Variants in KCNIP1 observed in about 807,000 individuals in gnomAD.
KCNIP1 encodes A-type potassium channel modulatory protein KCNIP1.
Under a neutral mutation model 33.0 loss-of-function variants are expected in KCNIP1, and 18 were observed. The observed-to-expected ratio is 0.55, with a 90% CI of 0.38 to 0.81. The LOEUF (loss-of-function observed/expected upper bound fraction) is 0.81. KCNIP1 is among the 30% of genes least tolerant of loss of function. The probability of loss-of-function intolerance (pLI) is 0.00; values close to 1 mark genes in which losing one functional copy is unlikely to be tolerated. For missense variants in KCNIP1, 238 were observed against 271.6 expected, an observed-to-expected ratio of 0.88 and a Z score of 0.87; for synonymous variants, 93 against 98.3, an observed-to-expected ratio of 0.95 and a Z score of 0.32.
At chr5:170,588,454 G>A (rs953472418) in intron 1 of KCNIP1, among the ~76,000 whole-genome samples, 2 of 152,210 alleles carry the variant, frequency 1.3e-5, no homozygotes, top group Admixed American at 6.5e-5. Flanking sequence ...ATAATTTGTA[G>A]TATTGCAAGA....
intron 1 of KCNIP1, among the ~76,000 whole-genome samples, chr5:170,491,821 A>G (rs1757212573): frequency 1.3e-5 from 2 of 152,152 alleles, no homozygotes; most frequent in Non-Finnish European, 2.9e-5. Context: ...CAGCTCTGTC[A>G]CTGTCTCTCT....
intron 1 of KCNIP1, among the ~76,000 whole-genome samples, chr5:170,694,413 C>G (rs1321024708): frequency 6.6e-6 from 1 of 152,030 alleles, no homozygotes. Context: ...TTTTGAAGAT[C>G]TCTAAGCACT....
chr5:170,596,161 A>C (rs1287574690), intron 1 of KCNIP1, among the ~76,000 whole-genome samples: 1 of 152,244 alleles, frequency 6.6e-6, no homozygotes, highest in Non-Finnish European at 1.5e-5. Context: ...GTATTCAAGA[A>C]AGAGCCAATA....
chr5:170,508,902 G>A (rs1754823396), intron 1 of KCNIP1, among the ~76,000 whole-genome samples: 1 of 152,088 alleles, frequency 6.6e-6, no homozygotes, highest in Admixed American at 6.5e-5. Context: ...ATCAACGGAG[G>A]TGTTAACCCC....
intron 1 of KCNIP1, among the ~76,000 whole-genome samples, chr5:170,586,880 C>T (rs1347380414): frequency 1.3e-5 from 2 of 152,190 alleles, no homozygotes; most frequent in South Asian, 2.1e-4. Context: ...GTCTCTATGC[C>T]TGCCACTGTG....
intron 1 of KCNIP1, chr5:170,382,746 C>T (rs1049519268): frequency 6.7e-6 from 1 of 150,032 alleles, no homozygotes; most frequent in African/African-American, 2.5e-5. Context: ...CTTTCTGATA[C>T]CCCCATCATT....
At chr5:170,534,369 AG>A (rs1755890572) in intron 1 of KCNIP1, among the ~76,000 whole-genome samples, 1 of 152,018 alleles carries the variant, frequency 6.6e-6, no homozygotes, top group Non-Finnish European at 1.5e-5. Context: ...TCACCTGAGC[AG>A]GGTAGGTGGA....
At chr5:170,691,305 C>A (rs768837554) in intron 1 of KCNIP1, among the ~76,000 whole-genome samples, 2 of 152,146 alleles carry the variant, frequency 1.3e-5, no homozygotes, top group Admixed American at 6.5e-5. Context: ...ATTGTAAAAC[C>A]CAAGATGAGA....
At chr5:170,647,873 A>T (rs1760852386) in intron 1 of KCNIP1, among the ~76,000 whole-genome samples, 1 of 152,184 alleles carries the variant, frequency 6.6e-6, no homozygotes, top group African/African-American at 2.4e-5. Flanking sequence ...TTGAAAAAAT[A>T]TATATCTGAT....
intron 1 of KCNIP1, chr5:170,383,400 A>G: frequency 1.7e-6 from 1 of 599,472 alleles, no homozygotes; most frequent in Non-Finnish European, 3.0e-6. Context: ...ACAGCTCTTC[A>G]AGGTGCAGCA....
chr5:170,729,841 T>C (rs1764135289), intron 5 of KCNIP1, among the ~76,000 whole-genome samples: 1 of 152,090 alleles, frequency 6.6e-6, no homozygotes, highest in African/African-American at 2.4e-5. Context: ...AAGTTATGCA[T>C]CCCATTCTCC....
chr5:170,497,492 A>T (rs1757332027), intron 1 of KCNIP1, among the ~76,000 whole-genome samples: 1 of 152,120 alleles, frequency 6.6e-6, no homozygotes, highest in South Asian at 2.1e-4. Flanking sequence ...GGAGAGTCTG[A>T]AATTCTACAC....
rs576520691 is a variant in KCNIP1, at chr5:170,495,776, A to G, written c.88+141812A>G. On this transcript the variant is annotated intron_variant, in intron 1 of 7. Coordinates refer to the KCNIP1 transcript ENST00000377360. ...GCGGCAGGTTGTGTGGTCACAGGAA[A>G]TAACAGAAGGAGCCCCGGTTAATAT... Among the ~76,000 whole-genome samples the G allele has an allele frequency of 3.9e-5, 6 of 152,368 alleles. No homozygotes were observed. The South Asian group carries it at 6.2e-4, about 16-fold the overall frequency.
chr5:170,391,987 G>A (rs1278381591), intron 1 of KCNIP1, among the ~76,000 whole-genome samples: 1 of 152,288 alleles, frequency 6.6e-6, no homozygotes, highest in East Asian at 1.9e-4. Context: ...TTCACCCTGG[G>A]TGGAGCTTCG....
chr5:170,703,863 T>C lies in KCNIP1; in HGVS notation c.62-14895T>C, dbSNP rs568486801. Among the ~76,000 whole-genome samples the C allele has an allele frequency of 4.6e-4, 64 of 137,878 alleles. 19 individuals carry two copies. In the South Asian group the frequency reaches 0.017, roughly 37 times the overall value. The allele number at this position is 137,878 out of a possible 152,430, so 90.5% of individuals were successfully genotyped here. On this transcript the variant is annotated intron_variant, in intron 1 of 7. Transcript: ENST00000328939. ...TCACTTTCTATGTGCAAAGCAGATA[T>C]TAGACATCACAGAGGGAGTGAGATA...
rs527567450 is a variant in KCNIP1, at chr5:170,562,645, C to T, written c.61+58012C>T. Among the ~76,000 whole-genome samples, 15 of 152,342 alleles carry T rather than the reference C, an allele frequency of 9.8e-5. No homozygotes were observed. The South Asian group carries it at 1.5e-3, about 15-fold the overall frequency. On this transcript the variant is annotated intron_variant, in intron 1 of 7. Transcript: ENST00000328939. ...GTGCCTCATTTCCTCATCCCCTGCACGCCGTCTCTCAGTCCCTGAGCTGCT... is the reference window on the plus strand; with the variant it reads ...GTGCCTCATTTCCTCATCCCCTGCATGCCGTCTCTCAGTCCCTGAGCTGCT...
At chr5:170,705,056 G>C (rs1763212853) in intron 1 of KCNIP1, among the ~76,000 whole-genome samples, 1 of 152,188 alleles carries the variant, frequency 6.6e-6, no homozygotes, top group South Asian at 2.1e-4. Context: ...CATAATGTCT[G>C]ATTTGCTTCT....
intron 1 of KCNIP1, among the ~76,000 whole-genome samples, chr5:170,448,624 G>T (rs1470122665): frequency 6.6e-6 from 1 of 152,238 alleles, no homozygotes; most frequent in East Asian, 1.9e-4. Flanking sequence ...CAATTTTCAA[G>T]AATGGGCAAG....
chr5:170,438,669 G>C (rs1755921222), intron 1 of KCNIP1, among the ~76,000 whole-genome samples: 1 of 152,016 alleles, frequency 6.6e-6, no homozygotes, highest in South Asian at 2.1e-4. Flanking sequence ...GGGTGGGAGG[G>C]CTACACGAAG....
Sources: gnomAD v4.1 joint callset for allele counts (sites outside exome capture counted in the v4.1 genomes callset) on GRCh38, gnomAD v4.1.1 for gene constraint, MANE v1.5 for transcripts, NCBI Gene and HGNC (gene_info 2026-07-23, HGNC 2026-07-21) for gene names.